Variants in HORMAD2 observed in about 807,000 individuals in gnomAD.
HORMAD2 encodes HORMA domain containing 2, also known as HORMA domain-containing protein 2.
Under a neutral mutation model 38.8 loss-of-function variants are expected in HORMAD2, and 45 were observed. That is an observed-to-expected ratio of 1.16 (90% CI 0.91 to 1.49). The LOEUF (loss-of-function observed/expected upper bound fraction) is 1.49. Among genes scored for constraint, HORMAD2 ranks in the 40% most tolerant of loss-of-function variants. The probability of loss-of-function intolerance (pLI) is 0.00; values close to 1 mark genes in which losing one functional copy is unlikely to be tolerated. For missense variants in HORMAD2, 338 were observed against 367.0 expected, an observed-to-expected ratio of 0.92 and a Z score of 0.65; for synonymous variants, 126 against 122.8, an observed-to-expected ratio of 1.03 and a Z score of -0.17.
At chr22:30,083,819 T>C (rs1433377834) in intron 1 of HORMAD2, among the ~76,000 whole-genome samples, 1 of 152,056 alleles carries the variant, frequency 6.6e-6, no homozygotes, top group Non-Finnish European at 1.5e-5. Flanking sequence ...TTTGAAAAAA[T>C]AATTTAGATC....
chr22:30,179,583 T>C (rs541450880), downstream of HORMAD2, among the ~76,000 whole-genome samples: 24 of 152,346 alleles, frequency 1.6e-4, no homozygotes, highest in Admixed American at 8.5e-4. Flanking sequence ...GGAGCTAATC[T>C]GCTCATATAA....
At chr22:30,104,307 A>T (rs1473153217) in intron 4 of HORMAD2, 94 bp from the exon 5 acceptor site, 4 of 901,070 alleles carry the variant, frequency 4.4e-6, no homozygotes, top group Non-Finnish European at 7.3e-6. Context: ...AACTTAATGT[A>T]CATCAAAGCA....
At chr22:30,173,586 A>G (rs916567586) in intron 10 of HORMAD2, among the ~76,000 whole-genome samples, 6 of 152,202 alleles carry the variant, frequency 3.9e-5, no homozygotes, top group African/African-American at 1.4e-4. Context: ...GATGAATTCC[A>G]ATTTGGGCAG....
intron 1 of HORMAD2, 42 bp from the exon 2 acceptor site, chr22:30,093,874 A>G: frequency 1.0e-6 from 1 of 966,206 alleles, no homozygotes; most frequent in Non-Finnish European, 1.6e-6. Flanking sequence ...AGGAAGCATT[A>G]TATTTGGCAA....
the HORMAD2 span, among the ~76,000 whole-genome samples, chr22:30,194,736 G>A: frequency 1.3e-5 from 2 of 152,192 alleles, no homozygotes; most frequent in Non-Finnish European, 2.9e-5. Flanking sequence ...GTATCCTGGA[G>A]GCAAGTAGTA....
At chr22:30,108,190 C>T (rs1921348864) in intron 5 of HORMAD2, among the ~76,000 whole-genome samples, 1 of 152,124 alleles carries the variant, frequency 6.6e-6, no homozygotes, top group Non-Finnish European at 1.5e-5. Flanking sequence ...ATATAGCTAT[C>T]TAGCTTGTTT....
At chr22:30,131,757 G>A (rs1228451535) in intron 10 of HORMAD2, among the ~76,000 whole-genome samples, 1 of 151,960 alleles carries the variant, frequency 6.6e-6, no homozygotes, top group East Asian at 1.9e-4. Flanking sequence ...CTGGATTTCT[G>A]CATCTTATTT....
chr22:30,205,833 G>C, the HORMAD2 span, among the ~76,000 whole-genome samples: 2 of 151,994 alleles, frequency 1.3e-5, no homozygotes, highest in African/African-American at 4.8e-5. Context: ...GAATGTGCAC[G>C]GGAGGCTCAG....
intron 10 of HORMAD2, among the ~76,000 whole-genome samples, 165 bp from the exon 11 acceptor site, chr22:30,175,898 C>G (rs905928014): frequency 6.6e-6 from 1 of 152,200 alleles, no homozygotes; most frequent in Non-Finnish European, 1.5e-5. Flanking sequence ...GACTCTGATA[C>G]TGGCAGCAGG....
intron 10 of HORMAD2, among the ~76,000 whole-genome samples, chr22:30,152,098 C>T (rs1253009130): frequency 1.3e-5 from 2 of 152,136 alleles, no homozygotes; most frequent in Non-Finnish European, 2.9e-5. Flanking sequence ...CTTCTTCCCC[C>T]ACCTTCACTT....
At chr22:30,108,662 C>T (rs999644264) in intron 5 of HORMAD2, among the ~76,000 whole-genome samples, 18 of 152,226 alleles carry the variant, frequency 1.2e-4, no homozygotes, top group Middle Eastern at 3.4e-3. Flanking sequence ...GCAATGAACA[C>T]AATGTTAATG....
chr22:30,207,314 C>T, the HORMAD2 span: 1 of 267,894 alleles, frequency 3.7e-6, no homozygotes, highest in Non-Finnish European at 7.7e-6. Context: ...GTCCGCATTC[C>T]AGGCCCAGAC....
chr22:30,139,143 C>T (rs1923877064), intron 10 of HORMAD2, among the ~76,000 whole-genome samples: 2 of 151,396 alleles, frequency 1.3e-5, no homozygotes, highest in African/African-American at 4.9e-5. Context: ...ATCAACTTTC[C>T]TGGGTCTCAT....
intron 3 of HORMAD2, 69 bp from the exon 4 acceptor site, chr22:30,103,368 T>G: frequency 1.2e-6 from 1 of 853,180 alleles, no homozygotes; most frequent in Non-Finnish European, 1.9e-6. Flanking sequence ...AATACCCTAT[T>G]TAGCATGGAC....
At chr22:30,129,677 A>ATT (rs1020433469) in intron 10 of HORMAD2, among the ~76,000 whole-genome samples, 1 of 146,402 alleles carries the variant, frequency 6.8e-6, no homozygotes. Flanking sequence ...TAAGTTGGTG[A>ATT]TTTTTTTTTT....
chr22:30,115,974 C>T (rs187581562), intron 7 of HORMAD2, among the ~76,000 whole-genome samples: 3 of 152,240 alleles, frequency 2.0e-5, no homozygotes, highest in Admixed American at 6.5e-5. Context: ...CAGGCATTGG[C>T]GTCAAATCGC....
At chr22:30,079,304 T>G (rs1385926207), upstream of HORMAD2, among the ~76,000 whole-genome samples, 1 of 152,136 alleles carries the variant, frequency 6.6e-6, no homozygotes, top group Non-Finnish European at 1.5e-5. Context: ...CACCCCCAAC[T>G]GCTCCCACAG....
upstream of HORMAD2, among the ~76,000 whole-genome samples, chr22:30,078,294 A>G (rs973706565): frequency 3.3e-5 from 5 of 152,162 alleles, no homozygotes. Context: ...AGAAAAAAAC[A>G]AAACAGGTTA....
At chr22:30,086,285 C>T (rs2068570220) in intron 1 of HORMAD2, among the ~76,000 whole-genome samples, 1 of 152,122 alleles carries the variant, frequency 6.6e-6, no homozygotes, top group Non-Finnish European at 1.5e-5. Flanking sequence ...CATTTAAACC[C>T]CTTTCTTTAT....
Sources: gnomAD v4.1 joint callset for allele counts (sites outside exome capture counted in the v4.1 genomes callset) on GRCh38, gnomAD v4.1.1 for gene constraint, MANE v1.5 for transcripts, NCBI Gene and HGNC (gene_info 2026-07-23, HGNC 2026-07-21) for gene names.